GRIP1: variants seen among roughly 807,000 people sequenced by gnomAD.
The protein encoded by GRIP1 is glutamate receptor-interacting protein 1.
A neutral mutation model predicts 129.9 loss-of-function variants in GRIP1; 45 were observed. That is an observed-to-expected ratio of 0.35 (90% CI 0.27 to 0.44). GRIP1 has a LOEUF of 0.44. Ranked by LOEUF, GRIP1 falls within the 20% of genes least tolerant of loss-of-function variation. The pLI is 1.00. For synonymous variants in GRIP1, 530 were observed against 520.8 expected (o/e 1.02, Z -0.24); for missense variants, 1,196 against 1,396.8 (o/e 0.86, Z 2.29).
intron 4 of GRIP1, among the ~76,000 whole-genome samples, chr12:66,531,255 ATATATAT>A (rs2061449930): frequency 5.6e-3 from 27 of 4,810 alleles, no homozygotes; most frequent in Non-Finnish European, 7.0e-3. Flanking sequence ...AAAAAAAAAT[ATATATAT>A]ATATATATAT....
intron 1 of GRIP1, among the ~76,000 whole-genome samples, chr12:66,847,918 C>T (rs999973677): frequency 3.3e-5 from 5 of 152,160 alleles, no homozygotes; most frequent in Admixed American, 6.5e-5. Flanking sequence ...GGCACATTAT[C>T]ATTGTTTTAG....
intron 13 of GRIP1, among the ~76,000 whole-genome samples, chr12:66,434,527 C>T (rs1316424119): frequency 6.6e-6 from 1 of 152,198 alleles, no homozygotes; most frequent in Non-Finnish European, 1.5e-5. Context: ...TTATTTCCCA[C>T]AGGAGATTTG....
At chr12:66,520,207 A>G (rs1030855807) in intron 5 of GRIP1, among the ~76,000 whole-genome samples, 14 of 152,180 alleles carry the variant, frequency 9.2e-5, no homozygotes, top group African/African-American at 1.4e-4. Flanking sequence ...CTCAACTCCC[A>G]TCTATGCCAA....
At chr12:66,734,103 C>T (rs1351458316) in intron 1 of GRIP1, among the ~76,000 whole-genome samples, 1 of 152,106 alleles carries the variant, frequency 6.6e-6, no homozygotes, top group African/African-American at 2.4e-5. Context: ...GATCGGAATG[C>T]TACGTATGTT....
chr12:66,611,752 A>G (rs887242816), intron 1 of GRIP1, among the ~76,000 whole-genome samples: 2 of 152,082 alleles, frequency 1.3e-5, no homozygotes, highest in African/African-American at 4.8e-5. Context: ...ATCAGCAAAG[A>G]TAAGCTGGTT....
At chr12:66,527,677 T>G (rs527246800) in intron 5 of GRIP1, among the ~76,000 whole-genome samples, 1 of 151,770 alleles carries the variant, frequency 6.6e-6, no homozygotes, top group Admixed American at 6.6e-5. Flanking sequence ...AGTATAATAA[T>G]AACAAAATTA....
At chr12:66,797,357 G>A (rs1010891437) in intron 1 of GRIP1, among the ~76,000 whole-genome samples, 2 of 152,094 alleles carry the variant, frequency 1.3e-5, no homozygotes, top group Non-Finnish European at 2.9e-5. Flanking sequence ...CAGCTGTTTG[G>A]GATGTATGCT....
At chr12:66,847,561 T>C (rs1172930236) in intron 1 of GRIP1, among the ~76,000 whole-genome samples, 3 of 152,200 alleles carry the variant, frequency 2.0e-5, no homozygotes, top group South Asian at 2.1e-4. Flanking sequence ...ATTACACATA[T>C]AGTACTTATG....
chr12:66,848,309 A>C (rs1322586205), intron 1 of GRIP1, among the ~76,000 whole-genome samples: 2 of 151,982 alleles, frequency 1.3e-5, no homozygotes, highest in East Asian at 1.9e-4. Flanking sequence ...TTAATGCATT[A>C]AAGTGAGTCA....
chr12:66,479,528 C>T (rs958078665), intron 7 of GRIP1, among the ~76,000 whole-genome samples: 11 of 152,140 alleles, frequency 7.2e-5, no homozygotes, highest in Non-Finnish European at 1.5e-4. Context: ...TGAAACTATT[C>T]CAAACAGTAG....
At chr12:66,387,143 T>C (rs985074589) in intron 19 of GRIP1, among the ~76,000 whole-genome samples, 5 of 152,176 alleles carry the variant, frequency 3.3e-5, no homozygotes, top group Non-Finnish European at 7.4e-5. Context: ...GACAACTCAG[T>C]CTACCAAAGC....
intron 1 of GRIP1, among the ~76,000 whole-genome samples, chr12:66,916,752 G>A (rs1466080721): frequency 6.6e-6 from 1 of 151,710 alleles, no homozygotes; most frequent in African/African-American, 2.4e-5. Flanking sequence ...GAAAGTCCAG[G>A]AACTGAAGCC....
At chr12:66,664,498 G>C (rs1257539980) in intron 1 of GRIP1, among the ~76,000 whole-genome samples, 1 of 152,128 alleles carries the variant, frequency 6.6e-6, no homozygotes, top group Non-Finnish European at 1.5e-5. Flanking sequence ...AACACAGTAA[G>C]AGCTTCCCCT....
chr12:66,732,717 C>G (rs1420299835), intron 1 of GRIP1, among the ~76,000 whole-genome samples: 2 of 152,062 alleles, frequency 1.3e-5, no homozygotes, highest in Non-Finnish European at 2.9e-5. Flanking sequence ...TATGTATCAA[C>G]TGACTATTGA....
chr12:66,951,829 G>C (rs2041762910), intron 1 of GRIP1, among the ~76,000 whole-genome samples: 1 of 152,036 alleles, frequency 6.6e-6, no homozygotes, highest in African/African-American at 2.4e-5. Context: ...AAGTAAAAGA[G>C]AGGTGCTATC....
chr12:66,851,932 C>T (rs1029672023), intron 1 of GRIP1, among the ~76,000 whole-genome samples: 1 of 152,028 alleles, frequency 6.6e-6, no homozygotes, highest in East Asian at 1.9e-4. Context: ...AAAAGCCAAC[C>T]TGTCATGATA....
intron 1 of GRIP1, among the ~76,000 whole-genome samples, chr12:66,638,777 C>T (rs1199912874): frequency 6.6e-6 from 1 of 152,026 alleles, no homozygotes; most frequent in Admixed American, 6.6e-5. Flanking sequence ...TTGGTCTCAG[C>T]TTTACATCCC....
intron 15 of GRIP1, among the ~76,000 whole-genome samples, chr12:66,411,473 C>T (rs908759566): frequency 1.3e-5 from 2 of 152,222 alleles, no homozygotes; most frequent in African/African-American, 4.8e-5. Context: ...ACTCCATTCA[C>T]AGATCAGCAA....
At chr12:66,474,491 C>T (rs1213919174) in intron 7 of GRIP1, among the ~76,000 whole-genome samples, 1 of 152,076 alleles carries the variant, frequency 6.6e-6, no homozygotes, top group Non-Finnish European at 1.5e-5. Context: ...CCCAAAGATA[C>T]CCCTTGAGAA....
Sources: allele counts gnomAD v4.1 joint callset (sites outside exome capture counted in the v4.1 genomes callset), GRCh38; gene constraint gnomAD v4.1.1; transcripts MANE v1.5; gene names NCBI Gene and HGNC (gene_info 2026-07-23, HGNC 2026-07-21).